The following UNC80 variants were observed in gnomAD, a reference collection of about 807,000 sequenced individuals.
UNC80 encodes protein unc-80 homolog.
A neutral mutation model predicts 384.6 loss-of-function variants in UNC80; 164 were observed. The observed-to-expected ratio is 0.43, with a 90% CI of 0.38 to 0.49. UNC80 has a LOEUF of 0.49. Ranked by LOEUF, UNC80 falls within the 20% of genes least tolerant of loss-of-function variation. UNC80 has a pLI of 0.00. For synonymous variants in UNC80, 1,486 were observed against 1,527.8 expected (o/e 0.97, Z 0.64); for missense variants, 3,330 against 4,143.0 (o/e 0.80, Z 5.39).
chr2:209,972,976 A>G lies in UNC80; in HGVS notation c.8381-88A>G. 5.5e-6 allele frequency: 7 copies of G among 1,263,304 alleles called. No homozygotes were observed. The South Asian group carries it at 1.0e-4, about 18-fold the overall frequency. 78.3% of individuals were successfully genotyped at this position (1,263,304 alleles called of 1,614,324 possible). Reference sequence around the variant, plus strand: ...TAGGGTGTTGTAGTTTGGACTTGGAAAGAGCTGAGTTTTTCTGTATCTACT... The same window carrying G: ...TAGGGTGTTGTAGTTTGGACTTGGAGAGAGCTGAGTTTTTCTGTATCTACT... On this transcript the variant is annotated intron_variant, in intron 55 of 64. Coordinates refer to ENST00000673920, the MANE Select transcript of UNC80 (RefSeq NM_001371986.1).
At chr2:209,957,561 T>A in intron 48 of UNC80, 83 bp from the exon 49 acceptor site, 1 of 1,232,748 alleles carries the variant, frequency 8.1e-7, no homozygotes, top group Non-Finnish European at 1.1e-6. Flanking sequence ...TTATGTGTGC[T>A]TCAGTAACTT....
chr2:209,820,487 G>A lies in UNC80; in HGVS notation c.2139G>A (p.Glu713=), dbSNP rs990993388. ...AGACCTTGGAAAAGAGGCCAAGTGA[G>A]GGAGCTTTCCAATTCAAAGGAGTAT... ...ENETLEKRPS[E]GAFQFKGVSG... The change falls in exon 13 of 65, where the codon GAG becomes GAA. Residue 713 remains glutamate (E), a synonymous_variant. Coordinates refer to ENST00000673920, the MANE Select transcript of UNC80 (RefSeq NM_001371986.1). 2 of 1,551,530 alleles carry A rather than the reference G, an allele frequency of 1.3e-6. No individual in the cohort carries two copies. Among genetic ancestry groups the A allele is most frequent in the African/African-American group, 2.7e-5 (2 of 73,008 alleles).
rs4527150 is a variant in UNC80 at position 209,774,564 on chromosome 2, A to C, written c.142-1325A>C. Among the ~76,000 whole-genome samples, 249 of 152,296 alleles carry C rather than the reference A, an allele frequency of 1.6e-3. 2 individuals carry two copies. The East Asian group carries it at 0.022, about 13-fold the overall frequency. ...TTGTATTAGTGACACTTAATGAGAAAATGACATTACCCGGAATACTCTGAG... is the reference window on the plus strand; with the variant it reads ...TTGTATTAGTGACACTTAATGAGAACATGACATTACCCGGAATACTCTGAG... On this transcript the variant is annotated intron_variant, in intron 2 of 64. Coordinates refer to ENST00000673920, the MANE Select transcript of UNC80 (RefSeq NM_001371986.1).
At chr2:209,851,882 T>C (rs2082558032) in intron 22 of UNC80, among the ~76,000 whole-genome samples, 1 of 152,086 alleles carries the variant, frequency 6.6e-6, no homozygotes, top group African/African-American at 2.4e-5. Flanking sequence ...TATTAAAATA[T>C]TATGTGAGAC....
chr2:209,969,951 C>T, intron 53 of UNC80, 60 bp downstream of exon 53: 1 of 1,534,082 alleles, frequency 6.5e-7, no homozygotes, highest in Admixed American at 2.0e-5. Context: ...CTATTGACTT[C>T]TCTGAATTGA....
At chr2:209,891,043 G>A (rs1478625598) in intron 26 of UNC80, among the ~76,000 whole-genome samples, 3 of 152,160 alleles carry the variant, frequency 2.0e-5, no homozygotes, top group African/African-American at 7.2e-5. Flanking sequence ...GATTTTATGT[G>A]TTGAAGTATT....
chr2:209,832,412 A>C (rs1283874912), intron 16 of UNC80, among the ~76,000 whole-genome samples: 4 of 152,156 alleles, frequency 2.6e-5, no homozygotes, highest in African/African-American at 9.7e-5. Flanking sequence ...AGGTGAATTC[A>C]GGTATCTTTG....
chr2:209,883,582 C>G (rs1332213940), intron 25 of UNC80, among the ~76,000 whole-genome samples: 1 of 151,984 alleles, frequency 6.6e-6, no homozygotes, highest in African/African-American at 2.4e-5. Flanking sequence ...AGACGCCCAC[C>G]ACCATGCCCA....
chr2:209,826,902 C>T (rs2080565344), intron 14 of UNC80, among the ~76,000 whole-genome samples: 1 of 152,068 alleles, frequency 6.6e-6, no homozygotes, highest in African/African-American at 2.4e-5. Context: ...CTAATGCCAG[C>T]CCATTTTTCC....
Position 209,888,205 on chromosome 2 carries a change from T to C in UNC80, c.4221T>C (p.Ser1407=). The C allele has an allele frequency of 6.4e-7, 1 of 1,551,600 alleles. No individual in the cohort carries two copies. Among genetic ancestry groups the C allele is most frequent in the South Asian group, 1.2e-5 (1 of 84,044 alleles). Residue 1407 remains serine (S), a synonymous_variant, in exon 26 of 65, where the codon TCT becomes TCC. Transcript: ENST00000673920. ...VLDENEDSKD[S]LHSSSHTLKS... The stretch of plus-strand genomic sequence containing the variant: ...ACGAAAATGAAGACTCAAAAGATTC[T>C]CTCCACAGCAGCAGCCACACTCTCA...
intron 11 of UNC80, among the ~76,000 whole-genome samples, chr2:209,818,436 A>C (rs1370713469): frequency 6.6e-6 from 1 of 152,064 alleles, no homozygotes; most frequent in Non-Finnish European, 1.5e-5. Flanking sequence ...ACAGGTTCTC[A>C]TTCTGTACTT....
At chr2:209,818,959 A>G (rs1385387559) in intron 11 of UNC80, 34 bp from the exon 12 acceptor site, 1 of 1,541,790 alleles carries the variant, frequency 6.5e-7, no homozygotes, top group Admixed American at 2.0e-5. Flanking sequence ...AGGTTAATGT[A>G]GGGAGAACTA....
chr2:209,943,092 G>T (rs1470647655), intron 44 of UNC80, among the ~76,000 whole-genome samples: 3 of 152,088 alleles, frequency 2.0e-5, no homozygotes, highest in Non-Finnish European at 4.4e-5. Context: ...AGCCAGTCTT[G>T]CAGCAGGCCT....
rs1250936749 is a variant in UNC80, at chr2:209,976,042, A to T, written c.8588-77A>T. 3 of 1,437,726 alleles carry T rather than the reference A, an allele frequency of 2.1e-6. No homozygotes were observed. The highest frequency in any genetic ancestry group is 2.8e-6 in the Non-Finnish European group (3 of 1,085,320). 89.1% of individuals were successfully genotyped at this position (1,437,726 alleles called of 1,614,324 possible). On this transcript the variant is annotated intron_variant, in intron 56 of 64. Coordinates refer to ENST00000673920, the MANE Select transcript of UNC80 (RefSeq NM_001371986.1). The surrounding 1 kb of genome is among the most constrained non-coding windows in gnomAD (Gnocchi z 4.3). The stretch of plus-strand genomic sequence containing the variant: ...ATTTAGAAAATTTCTAAAGGTGCAT[A>T]AAGGGCTCTGGATGTAGGTTGGGTT...
rs757904908 is a variant in UNC80, at chr2:209,789,527, T to C, written c.725-5T>C. On this transcript the variant is annotated splice_polypyrimidine_tract_variant and splice_region_variant and intron_variant, in intron 5 of 64. Coordinates refer to ENST00000673920, the MANE Select transcript of UNC80 (RefSeq NM_001371986.1). ...AAAACGATGGAACTTCTTCCGTCTT[T>C]TCAGCTAAGAGAAGTTCTCCTATCA... The C allele has an allele frequency of 1.5e-5, 24 of 1,608,454 alleles. No homozygotes were observed. Among genetic ancestry groups the C allele is most frequent in the Non-Finnish European group, 2.0e-5 (24 of 1,176,664 alleles).
intron 2 of UNC80, among the ~76,000 whole-genome samples, chr2:209,774,232 T>A (rs1263681130): frequency 1.3e-5 from 2 of 152,204 alleles, no homozygotes; most frequent in Admixed American, 6.5e-5. Flanking sequence ...GCATCTCCTA[T>A]CTTTCAATGT....
At chr2:209,920,515 C>G (rs891626369) in intron 33 of UNC80, among the ~76,000 whole-genome samples, 1 of 152,164 alleles carries the variant, frequency 6.6e-6, no homozygotes. Flanking sequence ...AGTGAATCTT[C>G]TTTTCTTCAT....
rs1410263546 is a variant in UNC80, at chr2:209,831,597, A to G, written c.2775+6A>G. The G allele has an allele frequency of 7.8e-6, 12 of 1,534,102 alleles. No homozygotes were observed. The highest frequency in any genetic ancestry group is 9.7e-6 in the Non-Finnish European group (11 of 1,139,066). ...TGCACAGCCCTGAGAATCTGGTGAG[A>G]AGCTCTCCTCTCTTCCCACAGGAGC... is the stretch of plus-strand genomic sequence containing the variant. On this transcript the variant is annotated splice_donor_region_variant and intron_variant, in intron 16 of 64. Coordinates refer to ENST00000673920, the MANE Select transcript of UNC80 (RefSeq NM_001371986.1).
At chr2:209,902,022 A>G (rs1402026416) in intron 28 of UNC80, among the ~76,000 whole-genome samples, 1 of 152,182 alleles carries the variant, frequency 6.6e-6, no homozygotes, top group East Asian at 1.9e-4. Context: ...GTAAATTGAA[A>G]GCTTCTGGAA....
Sources: gnomAD v4.1 joint callset for allele counts (sites outside exome capture counted in the v4.1 genomes callset) on GRCh38, gnomAD v4.1.1 for gene constraint, Gnocchi (gnomAD v3.1) non-coding constraint, MANE v1.5 for transcripts, NCBI Gene and HGNC (gene_info 2026-07-23, HGNC 2026-07-21) for gene names.